The following DCT variants were observed in gnomAD, a reference collection of about 807,000 sequenced individuals.
The protein encoded by DCT is L-dopachrome tautomerase.
DCT carries 47 observed loss-of-function variants against 53.0 expected under a neutral mutation model. That is an observed-to-expected ratio of 0.89 (90% CI 0.70 to 1.13). The LOEUF is 1.13. Among genes scored for constraint, DCT ranks in the 50% most tolerant of loss-of-function variants. The probability of loss-of-function intolerance (pLI) is 0.00; values close to 1 mark genes in which losing one functional copy is unlikely to be tolerated. For missense variants in DCT, 669 were observed against 637.4 expected (o/e 1.05, Z -0.53); for synonymous variants, 244 against 237.0 (o/e 1.03, Z -0.27).
At chr13:94,454,456 T>C (rs1883285056) in intron 6 of DCT, among the ~76,000 whole-genome samples, 1 of 152,228 alleles carries the variant, frequency 6.6e-6, no homozygotes, top group Non-Finnish European at 1.5e-5. Flanking sequence ...GGATTATATC[T>C]AAATTTAATA....
At chr13:94,543,727 T>G in the DCT span, among the ~76,000 whole-genome samples, 1 of 152,160 alleles carries the variant, frequency 6.6e-6, no homozygotes, top group African/African-American at 2.4e-5. Context: ...TCCTTTTAAG[T>G]TGAGTTAATC....
chr13:94,462,713 G>A (rs1247879322), intron 4 of DCT, among the ~76,000 whole-genome samples: 1 of 152,082 alleles, frequency 6.6e-6, no homozygotes, highest in African/African-American at 2.4e-5. Context: ...CACAAAATAC[G>A]GACATGGGCA....
chr13:94,451,621 C>A (rs1342423107), intron 6 of DCT, among the ~76,000 whole-genome samples: 1 of 152,140 alleles, frequency 6.6e-6, no homozygotes, highest in East Asian at 1.9e-4. Context: ...AAGAGGTGAG[C>A]TTTGCAAGAC....
upstream of DCT, among the ~76,000 whole-genome samples, chr13:94,480,765 T>C (rs1885408741): frequency 1.3e-5 from 2 of 152,166 alleles, no homozygotes; most frequent in African/African-American, 4.8e-5. Context: ...TCTAGGCAAT[T>C]CTAATGCTCA....
chr13:94,533,428 A>T, the DCT span, among the ~76,000 whole-genome samples: 1 of 152,168 alleles, frequency 6.6e-6, no homozygotes, highest in Non-Finnish European at 1.5e-5. Context: ...CCACAGGAAA[A>T]GTAACCAGAT....
chr13:94,538,352 G>A, the DCT span, among the ~76,000 whole-genome samples: 3 of 152,224 alleles, frequency 2.0e-5, no homozygotes, highest in South Asian at 2.1e-4. Context: ...GAAGAGTTAC[G>A]GAACTTCTGG....
the DCT span, among the ~76,000 whole-genome samples, chr13:94,505,658 A>C: frequency 5.9e-5 from 9 of 152,220 alleles, no homozygotes; most frequent in Non-Finnish European, 1.5e-5. Flanking sequence ...GTATGGCACA[A>C]AAGTGGGGAG....
Position 94,439,601 on chromosome 13 carries a change from A to G in DCT, c.*297T>C, listed in dbSNP as rs919688870. ...TTTGTTTTTTTTTAAATGCTTTCAG[A>G]AAAGGAGGAGGCTTAATCAATATTG... On this transcript the variant is annotated 3_prime_UTR_variant, in exon 8 of 8. Transcript: ENST00000377028. 19 of 188,064 alleles carry G rather than the reference A, an allele frequency of 1.0e-4. No homozygotes were observed. Among genetic ancestry groups the G allele is most frequent in the Non-Finnish European group, 1.3e-4 (12 of 93,028 alleles). 11.6% of individuals were successfully genotyped at this position (188,064 alleles called of 1,614,324 possible).
the DCT span, among the ~76,000 whole-genome samples, chr13:94,527,559 G>A: frequency 2.0e-5 from 3 of 152,156 alleles, no homozygotes; most frequent in Non-Finnish European, 4.4e-5. Flanking sequence ...CTGTTTGAAG[G>A]AAAACTAACA....
At chr13:94,518,804 G>C in the DCT span, among the ~76,000 whole-genome samples, 54,466 of 151,992 alleles carry the variant, frequency 0.36, 10,184 homozygotes, top group East Asian at 0.61. Context: ...GTTCTTCATA[G>C]AATAATGTCC....
chr13:94,460,156 C>T lies in DCT; in HGVS notation c.1114G>A (p.Val372Ile). The change falls in exon 6 of 8, where the codon GTT becomes ATT. Residue 372 changes from valine to isoleucine, a missense_variant. By Grantham distance (29) the Val-to-Ile change is conservative (BLOSUM62 3). Coordinates refer to ENST00000377028, the MANE Select transcript of DCT (RefSeq NM_001922.5). ...DSQVMSLHNL[V>I]HSFLNGTNAL... ...TTTGTCCCGTTCAGGAAGGAATGAA[C>T]CAAATTATGAAGGCTCATCACTTGA... 2 of 1,614,042 alleles carry T rather than the reference C, an allele frequency of 1.2e-6. No homozygotes were observed. Among genetic ancestry groups the T allele is most frequent in the Non-Finnish European group, 1.7e-6 (2 of 1,179,950 alleles).
Position 94,439,336 on chromosome 13 carries a change from T to A in DCT, c.*562A>T, listed in dbSNP as rs1316538460. ...TCTTCTAAGCTGGAGAGGAAAAATA[T>A]AGAGAAAAGAAGAAAAAGAAGCCCA... On this transcript the variant is annotated 3_prime_UTR_variant, in exon 8 of 8. Coordinates refer to ENST00000377028, the MANE Select transcript of DCT (RefSeq NM_001922.5). The A allele has an allele frequency of 6.6e-6, 1 of 152,124 alleles. No individual in the cohort carries two copies. The highest frequency in any genetic ancestry group is 2.1e-4 in the South Asian group (1 of 4,820). 9.4% of individuals were successfully genotyped at this position (152,124 alleles called of 1,614,324 possible). A position where few individuals can be genotyped will look rare whatever the true frequency, so the allele number is the denominator to read the frequency against.
the DCT span, among the ~76,000 whole-genome samples, chr13:94,538,196 G>A: frequency 6.6e-6 from 1 of 152,240 alleles, no homozygotes; most frequent in African/African-American, 2.4e-5. Context: ...GGTGGAGCTT[G>A]TAGAGAGTGC....
intron 4 of DCT, among the ~76,000 whole-genome samples, chr13:94,463,466 G>A (rs1313386094): frequency 6.6e-6 from 1 of 151,924 alleles, no homozygotes; most frequent in African/African-American, 2.4e-5. Flanking sequence ...AGTAGAGACA[G>A]AGCTGTCAGG....
chr13:94,545,137 G>A, the DCT span, among the ~76,000 whole-genome samples: 1 of 152,078 alleles, frequency 6.6e-6, no homozygotes, highest in South Asian at 2.1e-4. Flanking sequence ...CTTCACTCCC[G>A]GGAAGTGACA....
chr13:94,544,909 T>G, the DCT span, among the ~76,000 whole-genome samples: 1 of 152,176 alleles, frequency 6.6e-6, no homozygotes, highest in Non-Finnish European at 1.5e-5. Context: ...TCTGGTTTTA[T>G]TATGTATAAC....
the DCT span, among the ~76,000 whole-genome samples, chr13:94,536,073 C>G: frequency 6.6e-6 from 1 of 152,124 alleles, no homozygotes; most frequent in Non-Finnish European, 1.5e-5. Context: ...GCTCAGAAGC[C>G]AGTAAATGAC....
chr13:94,547,209 C>T, the DCT span, among the ~76,000 whole-genome samples: 26 of 151,932 alleles, frequency 1.7e-4, no homozygotes, highest in African/African-American at 6.0e-4. Context: ...TTCCACCTCC[C>T]CTGTTCAACG....
At chr13:94,534,954 G>C in the DCT span, among the ~76,000 whole-genome samples, 12 of 152,202 alleles carry the variant, frequency 7.9e-5, no homozygotes, top group Non-Finnish European at 1.6e-4. Flanking sequence ...AGTTGCCCAG[G>C]CTGGTCTCAA....
Sources: gnomAD v4.1 joint callset for allele counts (sites outside exome capture counted in the v4.1 genomes callset) on GRCh38, gnomAD v4.1.1 for gene constraint, MANE v1.5 for transcripts, NCBI Gene and HGNC (gene_info 2026-07-23, HGNC 2026-07-21) for gene names.